The following AFG2A variants were observed in gnomAD, a reference collection of about 807,000 sequenced individuals.
The protein encoded by AFG2A is ATPase family gene 2 protein homolog A.
chr4:122,933,066 T>C, the AFG2A span, among the ~76,000 whole-genome samples: 14 of 152,344 alleles, frequency 9.2e-5, no homozygotes, highest in African/African-American at 2.9e-4. Context: ...TGTGCATGTG[T>C]GTATGTATGT....
the AFG2A span, among the ~76,000 whole-genome samples, chr4:123,261,659 C>T: frequency 6.6e-6 from 1 of 152,120 alleles, no homozygotes; most frequent in African/African-American, 2.4e-5. Context: ...CTTACACGAC[C>T]TACTGAAATA....
At chr4:122,973,466 GT>G in the AFG2A span, among the ~76,000 whole-genome samples, 293 of 137,484 alleles carry the variant, frequency 2.1e-3, 1 homozygote, top group African/African-American at 6.5e-3. Flanking sequence ...TTTTTTTCCT[GT>G]TTTTTTTTTC....
At chr4:122,963,490 T>A in the AFG2A span, among the ~76,000 whole-genome samples, 1 of 152,206 alleles carries the variant, frequency 6.6e-6, no homozygotes, top group Non-Finnish European at 1.5e-5. Flanking sequence ...TTGTATGTAC[T>A]AACACATTTC....
At chr4:123,060,227 CAGTAACCTACCATTCT>C in the AFG2A span, among the ~76,000 whole-genome samples, 1 of 152,212 alleles carries the variant, frequency 6.6e-6, no homozygotes, top group Non-Finnish European at 1.5e-5. Flanking sequence ...TGCAAGCTGT[CAGTAACCTACCATTCT>C]AGGGTGTGGA....
the AFG2A span, among the ~76,000 whole-genome samples, chr4:123,136,396 C>T: frequency 2.0e-5 from 3 of 151,914 alleles, no homozygotes; most frequent in South Asian, 4.2e-4. Context: ...AGGCCAGGTG[C>T]GGTGGCTCAC....
chr4:123,122,677 T>A, the AFG2A span, among the ~76,000 whole-genome samples: 3 of 152,164 alleles, frequency 2.0e-5, no homozygotes, highest in Non-Finnish European at 4.4e-5. Context: ...ATTGATAAAC[T>A]GTTCTTTCTA....
At chr4:123,226,297 A>C in the AFG2A span, among the ~76,000 whole-genome samples, 2 of 152,178 alleles carry the variant, frequency 1.3e-5, no homozygotes, top group South Asian at 2.1e-4. Context: ...GCCAGTTTTC[A>C]AAGGGAATGC....
chr4:123,088,760 T>C, the AFG2A span, among the ~76,000 whole-genome samples: 1 of 152,184 alleles, frequency 6.6e-6, no homozygotes, highest in African/African-American at 2.4e-5. Context: ...AGTCCTTGCT[T>C]CCTCTTCTCC....
At chr4:123,148,861 C>T in the AFG2A span, among the ~76,000 whole-genome samples, 3 of 151,630 alleles carry the variant, frequency 2.0e-5, no homozygotes, top group Admixed American at 6.6e-5. Context: ...CTCTGTCTCC[C>T]GGGCTCAAGC....
chr4:123,161,982 G>A, the AFG2A span, among the ~76,000 whole-genome samples: 50 of 152,058 alleles, frequency 3.3e-4, no homozygotes, highest in Admixed American at 1.2e-3. Flanking sequence ...GGGAGGGAGG[G>A]ATGAGGGTCT....
At chr4:123,026,776 G>T in the AFG2A span, among the ~76,000 whole-genome samples, 1 of 152,174 alleles carries the variant, frequency 6.6e-6, no homozygotes, top group African/African-American at 2.4e-5. Context: ...GATAGAGAAT[G>T]CATCACTCAG....
chr4:123,093,959 T>C, the AFG2A span, among the ~76,000 whole-genome samples: 1 of 152,176 alleles, frequency 6.6e-6, no homozygotes, highest in Non-Finnish European at 1.5e-5. Flanking sequence ...ATCTGTGTGT[T>C]TGTGAAATAA....
At chr4:123,184,685 C>T in the AFG2A span, among the ~76,000 whole-genome samples, 4 of 150,382 alleles carry the variant, frequency 2.7e-5, no homozygotes, top group East Asian at 7.8e-4. Context: ...TACAGGCGCC[C>T]GCCACTACGC....
At chr4:123,112,990 A>T in the AFG2A span, among the ~76,000 whole-genome samples, 1 of 152,220 alleles carries the variant, frequency 6.6e-6, no homozygotes, top group Non-Finnish European at 1.5e-5. Flanking sequence ...AATTTAATTA[A>T]TAGAGGTTAG....
chr4:122,934,514 G>A, the AFG2A span: 2 of 1,614,182 alleles, frequency 1.2e-6, no homozygotes, highest in Non-Finnish European at 1.7e-6. Flanking sequence ...GAAGAAGAGA[G>A]ACTGCTAAAG....
the AFG2A span, among the ~76,000 whole-genome samples, chr4:122,926,724 T>G: frequency 6.6e-6 from 1 of 152,234 alleles, no homozygotes; most frequent in East Asian, 1.9e-4. Context: ...AGTTGTGACA[T>G]TTTTAAATTC....
chr4:123,125,809 A>G, the AFG2A span, among the ~76,000 whole-genome samples: 18 of 152,238 alleles, frequency 1.2e-4, no homozygotes, highest in Non-Finnish European at 2.2e-4. Flanking sequence ...TTATAATTCA[A>G]AATTTGAAAT....
At chr4:122,936,021 G>A in the AFG2A span, 11 of 1,375,804 alleles carry the variant, frequency 8.0e-6, 1 homozygote, top group South Asian at 1.5e-4. Context: ...TAGAAATATT[G>A]AAAATTTAGG....
the AFG2A span, among the ~76,000 whole-genome samples, chr4:123,152,897 G>A: frequency 6.6e-6 from 1 of 152,166 alleles, no homozygotes; most frequent in Admixed American, 6.6e-5. Context: ...GAGAAACTTG[G>A]GAGACTGAGA....
Sources: gnomAD v4.1 joint callset for allele counts (sites outside exome capture counted in the v4.1 genomes callset) on GRCh38, gnomAD v4.1.1 for gene constraint, MANE v1.5 for transcripts, NCBI Gene and HGNC (gene_info 2026-07-23, HGNC 2026-07-21) for gene names.